FAR2: variants seen among roughly 807,000 people sequenced by gnomAD.
FAR2 encodes the protein fatty acyl-CoA reductase 2.
A neutral mutation model predicts 56.0 loss-of-function variants in FAR2; 19 were observed. That is an observed-to-expected ratio of 0.34 (90% confidence interval 0.24 to 0.50). The LOEUF is 0.50. Ranked by LOEUF, FAR2 falls within the 20% of genes least tolerant of loss-of-function variation. The pLI is 0.98. For synonymous variants in FAR2, 219 were observed against 218.8 expected (o/e 1.00, Z -0.01); for missense variants, 508 against 642.2 (o/e 0.79, Z 2.26).
At chr12:29,174,535 C>T (rs1167567776) in intron 1 of FAR2, among the ~76,000 whole-genome samples, 1 of 140,830 alleles carries the variant, frequency 7.1e-6, no homozygotes, top group East Asian at 2.2e-4. Flanking sequence ...ATTCTCCTGT[C>T]TCAGCCTCCC....
intron 8 of FAR2, among the ~76,000 whole-genome samples, chr12:29,316,099 C>A (rs560212845): frequency 1.3e-5 from 2 of 150,984 alleles, no homozygotes; most frequent in South Asian, 4.2e-4. Flanking sequence ...AATCATATTA[C>A]CATAATAAGT....
intron 1 of FAR2, among the ~76,000 whole-genome samples, chr12:29,254,660 G>C (rs1381459444): frequency 1.3e-5 from 2 of 152,126 alleles, no homozygotes; most frequent in Non-Finnish European, 2.9e-5. Context: ...CATTATAAAA[G>C]TTTACTCCAG....
In FAR2 at chr12:29,334,083, A is replaced by G; in HGVS notation, c.*289A>G. 4.4e-6 allele frequency: 1 copy of G among 229,488 alleles called. No individual in the cohort carries two copies. The highest frequency in any genetic ancestry group is 8.4e-6 in the Non-Finnish European group (1 of 118,426). 14.2% of individuals were successfully genotyped at this position (229,488 alleles called of 1,614,324 possible). A position where few individuals can be genotyped will look rare whatever the true frequency, so the allele number is the denominator to read the frequency against. On this transcript the variant is annotated 3_prime_UTR_variant, in exon 12 of 12. Transcript: ENST00000536681. Reference sequence around the variant, plus strand: ...CGTGAAAGTACTCCCACTTTTCTATATTTAGTTTTTCTTTTCTCTCTGAGA... The same window carrying G: ...CGTGAAAGTACTCCCACTTTTCTATGTTTAGTTTTTCTTTTCTCTCTGAGA...
intron 1 of FAR2, among the ~76,000 whole-genome samples, chr12:29,253,198 T>G (rs1948243079): frequency 6.6e-6 from 1 of 150,648 alleles, no homozygotes; most frequent in Non-Finnish European, 1.5e-5. Context: ...TATCTATCTA[T>G]CTAGATAGGT....
intron 3 of FAR2, among the ~76,000 whole-genome samples, chr12:29,295,157 C>T (rs10843379): frequency 0.016 from 2,452 of 152,240 alleles, 66 homozygotes; most frequent in African/African-American, 0.05. Context: ...ACTGCAACCT[C>T]CACCTCCTGG....
intron 1 of FAR2, among the ~76,000 whole-genome samples, chr12:29,257,503 G>A (rs1948342798): frequency 6.6e-6 from 1 of 152,300 alleles, no homozygotes; most frequent in South Asian, 2.1e-4. Flanking sequence ...CTTCCACGCT[G>A]TGGAAGCTTT....
intron 1 of FAR2, among the ~76,000 whole-genome samples, chr12:29,198,012 T>G (rs927411419): frequency 1.2e-4 from 18 of 152,320 alleles, no homozygotes; most frequent in African/African-American, 4.3e-4. Context: ...ATGGTGACAT[T>G]AAATGTATTT....
At chr12:29,166,333 A>G (rs1949827729) in intron 1 of FAR2, among the ~76,000 whole-genome samples, 1 of 152,212 alleles carries the variant, frequency 6.6e-6, no homozygotes, top group African/African-American at 2.4e-5. Flanking sequence ...AATTACATTT[A>G]ACACTCCTTG....
In FAR2 at chr12:29,305,694, T is replaced by C. The variant is rs150261729; in HGVS notation, c.546-1964T>C. ...TGAGAATTTAGAATCAGTATAATTA[T>C]TGCCATTTTCACAAGTACAATTGGA... On this transcript the variant is annotated intron_variant, in intron 4 of 11. Coordinates refer to ENST00000536681, the MANE Select transcript of FAR2 (RefSeq NM_001271783.2). Among the ~76,000 whole-genome samples the C allele has an allele frequency of 1.9e-3, 293 of 152,332 alleles. 6 individuals carry two copies. The East Asian group carries it at 0.05, about 26-fold the overall frequency.
intron 2 of FAR2, among the ~76,000 whole-genome samples, chr12:29,287,311 G>A (rs530632077): frequency 6.6e-6 from 1 of 152,218 alleles, no homozygotes; most frequent in East Asian, 1.9e-4. Context: ...AACGGTCTTC[G>A]CTAAAGCACT....
At chr12:29,225,087 T>C (rs1451015836) in intron 1 of FAR2, among the ~76,000 whole-genome samples, 1 of 152,058 alleles carries the variant, frequency 6.6e-6, no homozygotes, top group Non-Finnish European at 1.5e-5. Context: ...AGTAAAAGAA[T>C]TAGCCAGGTG....
chr12:29,272,596 A>G (rs1052804200), intron 2 of FAR2, among the ~76,000 whole-genome samples: 1 of 152,084 alleles, frequency 6.6e-6, no homozygotes, highest in African/African-American at 2.4e-5. Flanking sequence ...AGCTCATCAT[A>G]GTTTTATATT....
intron 1 of FAR2, among the ~76,000 whole-genome samples, chr12:29,153,938 A>G (rs1949701916): frequency 6.6e-6 from 1 of 152,038 alleles, no homozygotes; most frequent in South Asian, 2.1e-4. Context: ...TAAAACAAAA[A>G]CTGATCGCCC....
At chr12:29,250,159 C>T (rs1229840396) in intron 1 of FAR2, among the ~76,000 whole-genome samples, 10 of 151,746 alleles carry the variant, frequency 6.6e-5, no homozygotes, top group Non-Finnish European at 1.5e-4. Flanking sequence ...AACAAAAATA[C>T]AGTCTCTGTT....
intron 8 of FAR2, among the ~76,000 whole-genome samples, chr12:29,315,388 G>A (rs1431529039): frequency 6.6e-6 from 1 of 152,188 alleles, no homozygotes; most frequent in Non-Finnish European, 1.5e-5. Flanking sequence ...TGCAGAGTGT[G>A]CAAAGCCTTC....
At chr12:29,205,477 A>G (rs550277701) in intron 1 of FAR2, among the ~76,000 whole-genome samples, 2 of 152,348 alleles carry the variant, frequency 1.3e-5, no homozygotes, top group South Asian at 4.1e-4. Context: ...GAAGAAAAAA[A>G]TGAATGACAT....
chr12:29,293,650 A>C, intron 3 of FAR2, 175 bp downstream of exon 3: 1 of 470,506 alleles, frequency 2.1e-6, no homozygotes, highest in South Asian at 9.4e-5. Context: ...GAGAATATTC[A>C]CTCCAATTTT....
chr12:29,228,973 G>C (rs946462424), intron 1 of FAR2, among the ~76,000 whole-genome samples: 4 of 152,150 alleles, frequency 2.6e-5, no homozygotes, highest in South Asian at 2.1e-4. Flanking sequence ...TTCACGTGCA[G>C]AAACCCAGCA....
At chr12:29,217,815 G>A (rs1302451085) in intron 1 of FAR2, among the ~76,000 whole-genome samples, 1 of 152,098 alleles carries the variant, frequency 6.6e-6, no homozygotes, top group African/African-American at 2.4e-5. Context: ...AGAGAAAAAA[G>A]CTAGTCAATA....
Sources: gnomAD v4.1 joint callset for allele counts (sites outside exome capture counted in the v4.1 genomes callset) on GRCh38, gnomAD v4.1.1 for gene constraint, MANE v1.5 for transcripts, NCBI Gene and HGNC (gene_info 2026-07-23, HGNC 2026-07-21) for gene names.